Variants in RAB11FIP2 observed in about 807,000 individuals in gnomAD.
The protein encoded by RAB11FIP2 is rab11 family-interacting protein 2.
A neutral mutation model predicts 40.9 loss-of-function variants in RAB11FIP2; 16 were observed. The observed-to-expected ratio is 0.39, with a 90% confidence interval of 0.26 to 0.59. RAB11FIP2 has a LOEUF of 0.59. RAB11FIP2 is among the 20% of genes least tolerant of loss of function. RAB11FIP2 has a pLI of 0.53. For missense variants in RAB11FIP2, 532 were observed against 606.2 expected, an observed-to-expected ratio of 0.88 and a Z score of 1.28; for synonymous variants, 228 against 213.7, an observed-to-expected ratio of 1.07 and a Z score of -0.58.
Position 118,031,375 on chromosome 10 carries a change from CTT to C in RAB11FIP2, c.1265+7595_1265+7596del, listed in dbSNP as rs563650555. Among the ~76,000 whole-genome samples the C allele has an allele frequency of 5.9e-3, 899 of 152,152 alleles. 16 individuals are homozygous for C. Among genetic ancestry groups the C allele is most frequent in the African/African-American group, 0.021 (858 of 41,518 alleles). On this transcript the variant is annotated intron_variant, in intron 3 of 4. Coordinates refer to ENST00000355624, the MANE Select transcript of RAB11FIP2 (RefSeq NM_014904.3). ...AAATGTAAATTCTACAGTAAACAGT[CTT>C]TGACTTTTAATGAACATGTTACACA...
rs1320311369 is a variant in RAB11FIP2 at position 118,006,081 on chromosome 10, T to TA, written c.*2916dup. The TA allele has an allele frequency of 1.3e-5, 2 of 152,546 alleles. No individual in the cohort carries two copies. The highest frequency in any genetic ancestry group is 4.8e-5 in the African/African-American group (2 of 41,416). The allele number at this position is 152,546 out of a possible 1,614,324, so 9.4% of individuals were successfully genotyped here. On this transcript the variant is annotated 3_prime_UTR_variant, in exon 5 of 5. Coordinates refer to ENST00000355624, the MANE Select transcript of RAB11FIP2 (RefSeq NM_014904.3). ...GAACATAGCAGCAAAAAGCAATACT[T>TA]AAAAACGTTTTTCATGAATGGGTTA...
At chr10:118,030,894 A>G (rs1846405479) in intron 3 of RAB11FIP2, among the ~76,000 whole-genome samples, 2 of 152,148 alleles carry the variant, frequency 1.3e-5, no homozygotes. Context: ...AGGGTAAAAA[A>G]GTTTCAAGTA....
intron 3 of RAB11FIP2, chr10:118,017,817 ATTATAC>A (rs1224486006): frequency 6.6e-6 from 1 of 152,214 alleles, no homozygotes; most frequent in Non-Finnish European, 1.5e-5. Context: ...AAATATCGGT[ATTATAC>A]TTATTGCAAT....
Position 118,007,038 on chromosome 10 carries a change from T to A in RAB11FIP2, c.*1960A>T, listed in dbSNP as rs1846098143. On this transcript the variant is annotated 3_prime_UTR_variant, in exon 5 of 5. Coordinates refer to ENST00000355624, the MANE Select transcript of RAB11FIP2 (RefSeq NM_014904.3). ...ATATTATTATAGTATCTGCAGATAC[T>A]GTCATAATACTGAAAACATAGATTT... The A allele has an allele frequency of 6.6e-6, 1 of 152,368 alleles. No homozygotes were observed. Among genetic ancestry groups the A allele is most frequent in the East Asian group, 1.9e-4 (1 of 5,198 alleles). 9.4% of individuals were successfully genotyped at this position (152,368 alleles called of 1,614,324 possible). A position where few individuals can be genotyped will look rare whatever the true frequency, so the allele number is the denominator to read the frequency against.
chr10:118,019,443 T>C (rs75931001), intron 3 of RAB11FIP2, among the ~76,000 whole-genome samples: 7,207 of 152,176 alleles, frequency 0.047, 551 homozygotes, highest in African/African-American at 0.16. Flanking sequence ...CAAATAAGTA[T>C]AACTTCAAAT....
intron 2 of RAB11FIP2, 89 bp downstream of exon 2, chr10:118,040,031 ACTG>A (rs2133182417): frequency 2.4e-6 from 3 of 1,258,048 alleles, no homozygotes; most frequent in East Asian, 2.4e-5. Context: ...CTACAAAGCA[ACTG>A]CTATTTTGAT....
In RAB11FIP2 at chr10:118,040,245, G is replaced by A. The variant is rs2133182636; in HGVS notation, c.674C>T (p.Ala225Val). 1.9e-6 allele frequency: 3 copies of A among 1,613,772 alleles called. No homozygotes were observed. Among genetic ancestry groups the A allele is most frequent in the Non-Finnish European group, 1.7e-6 (2 of 1,179,758 alleles). Residue 225 changes from alanine (A) to valine (V), a missense_variant, in exon 2 of 5, where the codon GCG becomes GTG. Ala to Val is a moderately conservative substitution (Grantham distance 64, BLOSUM62 0). Coordinates refer to ENST00000355624, the MANE Select transcript of RAB11FIP2 (RefSeq NM_014904.3). ...CCCAGATAAATCAGACATTGAATGC[G>A]CTGACGAGAGTCGCTGAGGACCCAA... ...FLLGPQRLSS[A>V]HSMSDLSGSH...
chr10:118,045,986 A>C lies in RAB11FIP2; in HGVS notation c.178T>G (p.Trp60Gly), dbSNP rs772861008. ...AGCTCGAAAGAGGCCTCCTCCTTCCAAACTGGCTCAAGGGTTTTCTCAGCT... is the reference window on the plus strand; with the variant it reads ...AGCTCGAAAGAGGCCTCCTCCTTCCCAACTGGCTCAAGGGTTTTCTCAGCT... The part of the protein sequence containing the change: ...SVAEKTLEPV[W>G]KEEASFELPG... Residue 60 changes from tryptophan (W) to glycine (G), a missense_variant, in exon 1 of 5, where the codon TGG (tryptophan) becomes GGG (glycine). Coordinates refer to ENST00000355624, the MANE Select transcript of RAB11FIP2 (RefSeq NM_014904.3). 5 of 1,614,216 alleles carry C rather than the reference A, an allele frequency of 3.1e-6. No individual in the cohort carries two copies. Among genetic ancestry groups the C allele is most frequent in the South Asian group, 1.1e-5 (1 of 91,090 alleles).
At chr10:118,041,079 G>T (rs1051942163) in intron 1 of RAB11FIP2, among the ~76,000 whole-genome samples, 3 of 151,934 alleles carry the variant, frequency 2.0e-5, no homozygotes, top group Non-Finnish European at 2.9e-5. Flanking sequence ...AGTAGCAAAA[G>T]AATTTTGTTA....
Position 118,039,211 on chromosome 10 carries a change from T to C in RAB11FIP2, c.1026A>G (p.Pro342=), listed in dbSNP as rs966990725. ...WDSSMNLFSK[P]IEIRKENKRE... is the part of the protein sequence containing the mutation. ...TTTTATTTTCTTTTCTTATTTCAAT[T>C]GGTTTTGAAAATAAATTCATGCTGC... The change falls in exon 3 of 5, where the codon CCA becomes CCG. Residue 342 remains proline (P), a synonymous_variant. Transcript: ENST00000355624. 3 of 1,613,712 alleles carry C rather than the reference T, an allele frequency of 1.9e-6. No individual in the cohort carries two copies. Among genetic ancestry groups the C allele is most frequent in the Non-Finnish European group, 2.5e-6 (3 of 1,179,748 alleles).
intron 3 of RAB11FIP2, among the ~76,000 whole-genome samples, chr10:118,034,713 T>C (rs900552950): frequency 3.9e-5 from 6 of 152,204 alleles, no homozygotes; most frequent in African/African-American, 1.4e-4. Context: ...AAAACAAGAC[T>C]AGTGGCAATT....
chr10:118,037,611 G>A lies in RAB11FIP2; in HGVS notation c.1265+1361C>T, dbSNP rs190874382. On this transcript the variant is annotated intron_variant, in intron 3 of 4. Transcript: ENST00000355624. ...TTATGTACTTTCATTTATCCTCACC[G>A]AATCCTATCAAGTGGGATTATTTTC... Among the ~76,000 whole-genome samples the A allele has an allele frequency of 1.6e-3, 238 of 152,100 alleles. 3 individuals carry two copies. Among genetic ancestry groups the A allele is most frequent in the African/African-American group, 5.3e-3 (222 of 41,516 alleles).
At position 118,015,118 on chromosome 10, in the gene RAB11FIP2, A is replaced by G. The variant is rs1846202435; in HGVS notation, c.1266-8T>C. On this transcript the variant is annotated splice_polypyrimidine_tract_variant and splice_region_variant and intron_variant, in intron 3 of 4. Transcript: ENST00000355624. ...GTTGGACTCATATGAAAACTAATAA[A>G]ACACAAACAAATGTTAAAAGTGTCA... 6.2e-7 allele frequency: 1 copy of G among 1,600,314 alleles called. No individual in the cohort carries two copies. The highest frequency in any genetic ancestry group is 1.1e-5 in the South Asian group (1 of 88,550).
At position 118,039,287 on chromosome 10, in the gene RAB11FIP2, G is replaced by C; in HGVS notation, c.950C>G (p.Thr317Arg). The change falls in exon 3 of 5, where the codon ACA (threonine) becomes AGA (arginine). Residue 317 changes from threonine (T) to arginine (R), a missense_variant. Coordinates refer to ENST00000355624, the MANE Select transcript of RAB11FIP2 (RefSeq NM_014904.3). ...AAATGGATTTTTCTTCCTTGGCAGTGTTGCAAATTTTTGGGGTAATGAAGC... is the reference window on the plus strand; with the variant it reads ...AAATGGATTTTTCTTCCTTGGCAGTCTTGCAAATTTTTGGGGTAATGAAGC... Reference protein sequence around the residue: ...VTASLPQKFATLPRKKNPFEE... With the variant: ...VTASLPQKFARLPRKKNPFEE... The C allele has an allele frequency of 6.2e-7, 1 of 1,613,690 alleles. No homozygotes were observed. Among genetic ancestry groups the C allele is most frequent in the Non-Finnish European group, 8.5e-7 (1 of 1,179,744 alleles).
chr10:118,010,402 T>C (rs1846141987), intron 4 of RAB11FIP2, among the ~76,000 whole-genome samples: 1 of 152,114 alleles, frequency 6.6e-6, no homozygotes, highest in African/African-American at 2.4e-5. Flanking sequence ...GGATGGGGAA[T>C]GGGGACTGGT....
At chr10:118,031,332 T>C (rs1418117178) in intron 3 of RAB11FIP2, among the ~76,000 whole-genome samples, 3 of 152,158 alleles carry the variant, frequency 2.0e-5, no homozygotes, top group Non-Finnish European at 1.5e-5. Context: ...ATTTATTTAC[T>C]ATACTTTTTA....
rs549289098 is a variant in RAB11FIP2, at chr10:118,045,844, T to G, written c.320A>C (p.Asp107Ala). ...CCTTCTTTGTTTGTCCTCAAAGATG[T>G]CATTGAGATTGATTGCCACCTGCCC... ...FLGQVAINLNDIFEDKQRRKT... is the reference protein window; with the variant it reads ...FLGQVAINLNAIFEDKQRRKT... Residue 107 changes from aspartate to alanine, a missense_variant, in exon 1 of 5, where the codon GAC (aspartate) becomes GCC (alanine). Coordinates refer to ENST00000355624, the MANE Select transcript of RAB11FIP2 (RefSeq NM_014904.3). 8.1e-6 allele frequency: 13 copies of G among 1,612,116 alleles called. No individual in the cohort carries two copies. In the South Asian group the frequency reaches 1.3e-4, roughly 16 times the overall value.
chr10:118,016,707 A>G (rs1178873346), intron 3 of RAB11FIP2, among the ~76,000 whole-genome samples: 1 of 152,170 alleles, frequency 6.6e-6, no homozygotes, highest in African/African-American at 2.4e-5. Context: ...GCCCGACAGC[A>G]TACAAGGTGC....
At chr10:118,040,030 A>G in intron 2 of RAB11FIP2, 93 bp downstream of exon 2, 1 of 1,253,570 alleles carries the variant, frequency 8.0e-7, no homozygotes, top group South Asian at 1.5e-5. Flanking sequence ...ACTACAAAGC[A>G]ACTGCTATTT....
Sources: allele counts gnomAD v4.1 joint callset (sites outside exome capture counted in the v4.1 genomes callset), GRCh38; gene constraint gnomAD v4.1.1; transcripts MANE v1.5; gene names NCBI Gene and HGNC (gene_info 2026-07-23, HGNC 2026-07-21).